CEP63: variants seen among roughly 807,000 people sequenced by gnomAD.
The protein encoded by CEP63 is centrosomal protein of 63 kDa.
CEP63 carries 84 observed loss-of-function variants against 89.1 expected under a neutral mutation model. The ratio of observed to expected loss-of-function variants is 0.94; its 90% CI spans 0.79 to 1.13. The LOEUF (loss-of-function observed/expected upper bound fraction) is 1.13, where lower values mean the gene tolerates loss of function less well. CEP63 is among the 50% of genes most tolerant of loss of function. CEP63 has a pLI of 0.00. For synonymous variants in CEP63, 267 were observed against 272.5 expected, an observed-to-expected ratio of 0.98 and a Z score of 0.20; for missense variants, 838 against 813.3, an observed-to-expected ratio of 1.03 and a Z score of -0.37.
At chr3:134,735,935 A>G in the CEP63 span, among the ~76,000 whole-genome samples, 4 of 152,152 alleles carry the variant, frequency 2.6e-5, no homozygotes, top group Non-Finnish European at 5.9e-5. Flanking sequence ...TATCACCTCG[A>G]TACTAAACAA....
chr3:134,501,889 A>G (rs1942097281), intron 2 of CEP63, among the ~76,000 whole-genome samples: 1 of 152,096 alleles, frequency 6.6e-6, no homozygotes, highest in Non-Finnish European at 1.5e-5. Context: ...GCAAGAGAGG[A>G]CATCCTTGTC....
At chr3:134,711,538 G>A in the CEP63 span, among the ~76,000 whole-genome samples, 1 of 152,114 alleles carries the variant, frequency 6.6e-6, no homozygotes, top group Non-Finnish European at 1.5e-5. Context: ...GATGACTCAT[G>A]ACCTCCTGTG....
At chr3:134,603,805 C>A in the CEP63 span, 2 of 1,613,640 alleles carry the variant, frequency 1.2e-6, no homozygotes, top group African/African-American at 2.7e-5. Flanking sequence ...AGGAAGCACA[C>A]CTGACAGAGG....
the CEP63 span, among the ~76,000 whole-genome samples, chr3:134,726,473 C>T: frequency 6.8e-6 from 1 of 146,648 alleles, no homozygotes; most frequent in African/African-American, 2.6e-5. Flanking sequence ...CACACACACA[C>T]ACACACACAC....
At chr3:134,540,469 A>G (rs1448743387) in intron 6 of CEP63, among the ~76,000 whole-genome samples, 2 of 152,164 alleles carry the variant, frequency 1.3e-5, no homozygotes, top group East Asian at 1.9e-4. Flanking sequence ...GTACCTTCAA[A>G]TATTTTAATA....
chr3:134,644,483 G>T, the CEP63 span, among the ~76,000 whole-genome samples: 8 of 152,154 alleles, frequency 5.3e-5, no homozygotes, highest in Admixed American at 2.0e-4. Flanking sequence ...TCAGAGGGGT[G>T]GGGGGAAGGC....
chr3:134,519,126 A>AT (rs914011210), intron 3 of CEP63, among the ~76,000 whole-genome samples: 74 of 148,424 alleles, frequency 5.0e-4, no homozygotes, highest in East Asian at 2.8e-3. Context: ...TATTAAATTG[A>AT]TTTTTTTTTT....
At chr3:134,559,456 T>C (rs1272629995) in intron 14 of CEP63, 27 bp downstream of exon 14, 3 of 1,594,862 alleles carry the variant, frequency 1.9e-6, no homozygotes, top group South Asian at 2.2e-5. Flanking sequence ...ATCTTAGTAA[T>C]TTGTTAGTTT....
chr3:134,558,053 T>TA, intron 12 of CEP63, 89 bp from the exon 13 acceptor site: 1 of 1,160,934 alleles, frequency 8.6e-7, no homozygotes, highest in South Asian at 1.3e-5. Flanking sequence ...TACTTACAAC[T>TA]AAAAAACACT....
At position 134,537,189 on chromosome 3, in the gene CEP63, A is replaced by G; in HGVS notation, c.476A>G (p.Gln159Arg). 6.2e-7 allele frequency: 1 copy of G among 1,613,958 alleles called. No homozygotes were observed. Among genetic ancestry groups the G allele is most frequent in the Non-Finnish European group, 8.5e-7 (1 of 1,179,808 alleles). ...CAGAAATCGCTGGACTGGGAGAAGC[A>G]ACGCTTGATTTATCAGCAACAGGTA... ...FRQKSLDWEK[Q>R]RLIYQQQVSS... The change falls in exon 6 of 15, where the codon CAA becomes CGA. Residue 159 changes from glutamine (Q) to arginine (R), a missense_variant. Physicochemically the swap from Gln to Arg is conservative, Grantham distance 43. Coordinates refer to ENST00000675561, the MANE Select transcript of CEP63 (RefSeq NM_001353108.3).
intron 2 of CEP63, among the ~76,000 whole-genome samples, chr3:134,497,186 T>C (rs1288090483): frequency 1.3e-5 from 2 of 152,218 alleles, no homozygotes; most frequent in Non-Finnish European, 1.5e-5. Context: ...GTTGAATGAA[T>C]AGTTTGCAAA....
chr3:134,522,535 G>A lies in CEP63; in HGVS notation c.223-9310G>A, dbSNP rs111697129. Reference sequence around the variant, plus strand: ...TTTGTTATATAGGTAAACTTGTGTCGTGGGGGTTTATTGTACAGATTATTT... The same window carrying A: ...TTTGTTATATAGGTAAACTTGTGTCATGGGGGTTTATTGTACAGATTATTT... On this transcript the variant is annotated intron_variant, in intron 3 of 14. Coordinates refer to ENST00000675561, the MANE Select transcript of CEP63 (RefSeq NM_001353108.3). Among the ~76,000 whole-genome samples the A allele has an allele frequency of 7.1e-3, 1,074 of 152,090 alleles. 12 individuals carry two copies. The highest frequency in any genetic ancestry group is 0.025 in the African/African-American group (1,027 of 41,494).
Position 134,495,200 on chromosome 3 carries a change from T to C in CEP63, c.-25-96T>C, listed in dbSNP as rs62269547. On this transcript the variant is annotated intron_variant, in intron 1 of 14. Coordinates refer to ENST00000675561, the MANE Select transcript of CEP63 (RefSeq NM_001353108.3). ...TAAGAAGTGCTGCATTTTTTCATTA[T>C]TATGTATGCTTTCATTCACATTCTT... 596,372 of 874,422 alleles carry C rather than the reference T, an allele frequency of 0.68. 205,147 individuals are homozygous for C. Among genetic ancestry groups the C allele is most frequent in the Admixed American group, 0.8 (44,784 of 56,052 alleles). 54.2% of individuals were successfully genotyped at this position (874,422 alleles called of 1,614,324 possible).
At chr3:134,631,017 C>T in the CEP63 span, among the ~76,000 whole-genome samples, 1 of 152,296 alleles carries the variant, frequency 6.6e-6, no homozygotes, top group South Asian at 2.1e-4. Flanking sequence ...AGTCAGAGAA[C>T]TTGAAGATAG....
At chr3:134,611,502 C>T in the CEP63 span, among the ~76,000 whole-genome samples, 2 of 152,342 alleles carry the variant, frequency 1.3e-5, no homozygotes, top group South Asian at 4.1e-4. Context: ...TGCTAGCCCT[C>T]CTAGGGCCTT....
chr3:134,698,785 G>A, the CEP63 span, among the ~76,000 whole-genome samples: 1 of 152,208 alleles, frequency 6.6e-6, no homozygotes, highest in Non-Finnish European at 1.5e-5. Flanking sequence ...GACTTTCTAT[G>A]TCTTTGTATT....
At chr3:134,538,323 A>G (rs993966464) in intron 6 of CEP63, among the ~76,000 whole-genome samples, 2 of 150,718 alleles carry the variant, frequency 1.3e-5, no homozygotes, top group Non-Finnish European at 3.0e-5. Flanking sequence ...AGTCTGATAA[A>G]CTACCGACAG....
chr3:134,706,829 T>G, the CEP63 span, among the ~76,000 whole-genome samples: 2 of 152,158 alleles, frequency 1.3e-5, no homozygotes, highest in Non-Finnish European at 2.9e-5. Context: ...ATCCATGGTG[T>G]TTTTTGGCTC....
the CEP63 span, among the ~76,000 whole-genome samples, chr3:134,741,438 C>T: frequency 5.6e-4 from 85 of 152,236 alleles, no homozygotes; most frequent in African/African-American, 1.8e-3. Context: ...TGTCCTCCCC[C>T]GGTCAGTCTC....
Sources: allele counts gnomAD v4.1 joint callset (sites outside exome capture counted in the v4.1 genomes callset), GRCh38; gene constraint gnomAD v4.1.1; transcripts MANE v1.5; gene names NCBI Gene and HGNC (gene_info 2026-07-23, HGNC 2026-07-21).